The following LTBP1 variants were observed in gnomAD, a reference collection of about 807,000 sequenced individuals.
LTBP1 encodes the protein latent-transforming growth factor beta-binding protein 1.
In LTBP1, 129 loss-of-function variants were observed where a neutral mutation model predicts 207.6. The observed-to-expected ratio is 0.62, with a 90% CI of 0.54 to 0.72. The LOEUF is 0.72. Ranked by LOEUF, LTBP1 falls within the 30% of genes least tolerant of loss-of-function variation. The probability of loss-of-function intolerance (pLI) is 0.00; values close to 1 mark genes in which losing one functional copy is unlikely to be tolerated. For missense variants in LTBP1, 2,281 were observed against 2,217.2 expected (o/e 1.03, Z -0.58); for synonymous variants, 963 against 833.7 (o/e 1.16, Z -2.67).
Position 33,284,676 on chromosome 2 carries a change from G to A in LTBP1, c.3112+4518G>A, listed in dbSNP as rs145816669. Among the ~76,000 whole-genome samples, 397 of 152,032 alleles carry A rather than the reference G, an allele frequency of 2.6e-3. 1 individual carries two copies. The highest frequency in any genetic ancestry group is 6.0e-3 in the African/African-American group (249 of 41,450). ...TGGAGATCTGGCCTGATTGAAACCC[G>A]ATGAGAGCCATCCCCCAAGGAAACT... On this transcript the variant is annotated intron_variant, in intron 19 of 33. Coordinates refer to ENST00000404816, the MANE Select transcript of LTBP1 (RefSeq NM_206943.4).
chr2:33,314,045 G>A (rs2149236951), intron 23 of LTBP1, among the ~76,000 whole-genome samples: 1 of 152,288 alleles, frequency 6.6e-6, no homozygotes, highest in Non-Finnish European at 1.5e-5. Context: ...TTTGGAAGTA[G>A]CCCTTGACCC....
intron 3 of LTBP1, among the ~76,000 whole-genome samples, chr2:33,054,978 A>T (rs955975270): frequency 6.6e-5 from 10 of 152,188 alleles, no homozygotes; most frequent in African/African-American, 2.2e-4. Context: ...AAGGTGTCCT[A>T]GTAAACCACA....
chr2:32,976,112 G>C (rs1476586300), intron 2 of LTBP1, among the ~76,000 whole-genome samples: 1 of 152,196 alleles, frequency 6.6e-6, no homozygotes, highest in African/African-American at 2.4e-5. Context: ...TTGGGGGTTT[G>C]ATTGTGGTCT....
At chr2:33,149,235 A>AAC (rs1558707423) in intron 5 of LTBP1, among the ~76,000 whole-genome samples, 47 of 139,066 alleles carry the variant, frequency 3.4e-4, no homozygotes, top group African/African-American at 9.9e-4. Context: ...AAACAAAAAA[A>AAC]AAAAAAAAAA....
chr2:33,086,933 C>T (rs982020895), intron 3 of LTBP1, among the ~76,000 whole-genome samples: 1 of 151,692 alleles, frequency 6.6e-6, no homozygotes, highest in African/African-American at 2.4e-5. Context: ...TGGATATTTG[C>T]ATTGTGTTTT....
chr2:33,190,758 A>G (rs1438819938), intron 7 of LTBP1, among the ~76,000 whole-genome samples: 1 of 152,146 alleles, frequency 6.6e-6, no homozygotes, highest in Non-Finnish European at 1.5e-5. Context: ...GACTGTTTTT[A>G]TATCATGTGC....
chr2:33,359,609 G>A (rs190402944), intron 26 of LTBP1, among the ~76,000 whole-genome samples: 250 of 152,238 alleles, frequency 1.6e-3, no homozygotes, highest in Non-Finnish European at 3.0e-3. Flanking sequence ...TATTTCATTA[G>A]AATTAATCTA....
intron 2 of LTBP1, among the ~76,000 whole-genome samples, chr2:33,013,861 G>A (rs879750814): frequency 1.3e-5 from 2 of 151,472 alleles, no homozygotes; most frequent in Non-Finnish European, 2.9e-5. Flanking sequence ...TTCTGGGGCT[G>A]TGTACTTGAC....
chr2:33,395,971 A>G (rs979535861), intron 32 of LTBP1, among the ~76,000 whole-genome samples: 7 of 151,144 alleles, frequency 4.6e-5, no homozygotes, highest in Non-Finnish European at 1.5e-5. Context: ...GAGAGGCCAC[A>G]TGACAGTGTG....
At chr2:33,032,127 C>G (rs1481738924) in intron 3 of LTBP1, among the ~76,000 whole-genome samples, 1 of 152,166 alleles carries the variant, frequency 6.6e-6, no homozygotes, top group African/African-American at 2.4e-5. Context: ...TGATCTCTCT[C>G]TCTACCTATG....
chr2:33,057,249 G>A (rs2077046628), intron 3 of LTBP1, among the ~76,000 whole-genome samples: 1 of 151,964 alleles, frequency 6.6e-6, no homozygotes, highest in Non-Finnish European at 1.5e-5. Flanking sequence ...GTGCTAATTG[G>A]TGTGTTTACA....
At chr2:33,015,283 G>A (rs572678645) in intron 2 of LTBP1, among the ~76,000 whole-genome samples, 4 of 152,324 alleles carry the variant, frequency 2.6e-5, no homozygotes, top group African/African-American at 9.6e-5. Flanking sequence ...AAAAACATCT[G>A]CTTTGAAGGA....
intron 3 of LTBP1, among the ~76,000 whole-genome samples, chr2:33,098,456 C>T (rs748261057): frequency 6.6e-6 from 1 of 152,020 alleles, no homozygotes; most frequent in Admixed American, 6.6e-5. Flanking sequence ...TTTTCTGAGA[C>T]AGAGTCTCAC....
chr2:33,093,676 T>G (rs999762717), intron 3 of LTBP1, among the ~76,000 whole-genome samples: 4 of 152,308 alleles, frequency 2.6e-5, no homozygotes, highest in African/African-American at 9.6e-5. Context: ...GAGAAATTAC[T>G]CTTGTTCTTT....
intron 31 of LTBP1, among the ~76,000 whole-genome samples, chr2:33,387,902 G>A (rs1288554374): frequency 2.0e-5 from 3 of 152,174 alleles, no homozygotes; most frequent in Admixed American, 6.5e-5. Context: ...TGCCTTGTGT[G>A]ACTGCCCCAC....
At chr2:33,190,339 C>T (rs913540982) in intron 7 of LTBP1, among the ~76,000 whole-genome samples, 10 of 151,740 alleles carry the variant, frequency 6.6e-5, no homozygotes, top group Non-Finnish European at 1.3e-4. Context: ...AAAAATATAT[C>T]GTGTGTGTGT....
chr2:33,132,554 G>T (rs2081874638), intron 4 of LTBP1, among the ~76,000 whole-genome samples: 1 of 152,140 alleles, frequency 6.6e-6, no homozygotes, highest in Admixed American at 6.5e-5. Flanking sequence ...TTGGCCCTTT[G>T]TAGAAAAAGT....
chr2:32,962,514 C>T (rs964985698), intron 2 of LTBP1, among the ~76,000 whole-genome samples: 3 of 152,202 alleles, frequency 2.0e-5, no homozygotes, highest in African/African-American at 7.2e-5. Context: ...AGTAAGGTTT[C>T]TTGATTAGTA....
chr2:32,966,200 G>C (rs1157930252), intron 2 of LTBP1, among the ~76,000 whole-genome samples: 1 of 152,066 alleles, frequency 6.6e-6, no homozygotes, highest in Non-Finnish European at 1.5e-5. Flanking sequence ...TTATTGTTGA[G>C]TTTTAAGGTT....
Sources: gnomAD v4.1 joint callset for allele counts (sites outside exome capture counted in the v4.1 genomes callset) on GRCh38, gnomAD v4.1.1 for gene constraint, MANE v1.5 for transcripts, NCBI Gene and HGNC (gene_info 2026-07-23, HGNC 2026-07-21) for gene names.